Variants in ICA1L observed in about 807,000 individuals in gnomAD.
The protein encoded by ICA1L is islet cell autoantigen 1-like protein.
Under a neutral mutation model 61.3 loss-of-function variants are expected in ICA1L, and 50 were observed. The ratio of observed to expected loss-of-function variants is 0.82; its 90% CI spans 0.65 to 1.03. The LOEUF is 1.03. Ranked by LOEUF, ICA1L falls within the 50% of genes least tolerant of loss-of-function variation. The pLI, the probability that ICA1L is intolerant of heterozygous loss-of-function variation, is 0.00. For missense variants in ICA1L, 508 were observed against 556.7 expected, an observed-to-expected ratio of 0.91 and a Z score of 0.88; for synonymous variants, 161 against 191.3, an observed-to-expected ratio of 0.84 and a Z score of 1.31.
At chr2:202,811,817 A>T in intron 8 of ICA1L, 28 bp from the exon 9 acceptor site, 1 of 1,534,500 alleles carries the variant, frequency 6.5e-7, no homozygotes, top group Non-Finnish European at 9.0e-7. Flanking sequence ...AAAAATGTAG[A>T]TTTTTTGTTA....
At chr2:202,860,309 T>TAAA (rs1694877505) in intron 1 of ICA1L, 1 of 148,618 alleles carries the variant, frequency 6.7e-6, no homozygotes, top group East Asian at 1.9e-4. Context: ...ATAATAATAA[T>TAAA]AAATGGGAAA....
intron 8 of ICA1L, among the ~76,000 whole-genome samples, chr2:202,812,637 C>T (rs1206360526): frequency 6.6e-6 from 1 of 151,726 alleles, no homozygotes; most frequent in African/African-American, 2.4e-5. Flanking sequence ...CATGACCTCA[C>T]AGTTGCTAGT....
chr2:202,797,936 C>T (rs1383857176), intron 9 of ICA1L, among the ~76,000 whole-genome samples: 3 of 152,132 alleles, frequency 2.0e-5, no homozygotes, highest in African/African-American at 7.2e-5. Context: ...CTTTGGCCAT[C>T]CCCCCAGTTC....
In ICA1L at chr2:202,818,624, G is replaced by A. The variant is rs146806277; in HGVS notation, c.558+1077C>T. ...CATGGGGGCAGGTCTTTCCCATGCT[G>A]TTCTTGTGATAGTGAATAAGTCTCA... On this transcript the variant is annotated intron_variant, in intron 5 of 12. Coordinates refer to ENST00000358299, the MANE Select transcript of ICA1L (RefSeq NM_001288622.3). 5.9e-3 allele frequency among the ~76,000 whole-genome samples: 902 copies of A among 152,250 alleles called. 5 individuals are homozygous for A. The highest frequency in any genetic ancestry group is 9.3e-3 in the Non-Finnish European group (631 of 68,020).
chr2:202,823,509 G>C (rs934361871), intron 3 of ICA1L, among the ~76,000 whole-genome samples: 2 of 152,044 alleles, frequency 1.3e-5, no homozygotes, highest in African/African-American at 2.4e-5. Flanking sequence ...GGACTCACTT[G>C]GTCCAGTGAT....
chr2:202,813,838 A>G lies in ICA1L; in HGVS notation c.866+864T>C, dbSNP rs561875370. 3.3e-5 allele frequency among the ~76,000 whole-genome samples: 5 copies of G among 152,292 alleles called. No homozygotes were observed. The South Asian group carries it at 1.0e-3, about 32-fold the overall frequency. On this transcript the variant is annotated intron_variant, in intron 8 of 12. Transcript: ENST00000358299. ...CGGCAACAGCCCGTATTTTCAGGTA[A>G]CCAGTCCCAGTCCTATGTGTGTTAT...
intron 9 of ICA1L, among the ~76,000 whole-genome samples, chr2:202,801,936 G>GTTA (rs1693096633): frequency 6.6e-6 from 1 of 152,174 alleles, no homozygotes; most frequent in Non-Finnish European, 1.5e-5. Flanking sequence ...GAGTCCCACA[G>GTTA]ATTAAGAGCA....
chr2:202,807,593 C>T (rs1693260919), intron 9 of ICA1L, among the ~76,000 whole-genome samples: 1 of 152,112 alleles, frequency 6.6e-6, no homozygotes, highest in African/African-American at 2.4e-5. Flanking sequence ...GGCTTGGAGC[C>T]AGTGGAGTTA....
intron 1 of ICA1L, chr2:202,869,673 T>A (rs1218252904): frequency 6.6e-6 from 1 of 152,184 alleles, no homozygotes; most frequent in African/African-American, 2.4e-5. Flanking sequence ...GATATTGTGT[T>A]ACTTTAGTCT....
At chr2:202,840,039 T>C (rs1694279719) in intron 1 of ICA1L, among the ~76,000 whole-genome samples, 1 of 151,460 alleles carries the variant, frequency 6.6e-6, no homozygotes, top group East Asian at 1.9e-4. Context: ...TAATAAATTA[T>C]TGTAGCCATT....
rs1041930891 is a variant in ICA1L at position 202,774,259 on chromosome 2, A to T, written c.*5274T>A. On this transcript the variant is annotated 3_prime_UTR_variant, in exon 13 of 13. Coordinates refer to ENST00000358299, the MANE Select transcript of ICA1L (RefSeq NM_001288622.3). ...GAGTCTTCTCGCTCCTGTCGGCCAA[A>T]GGCCGTGACCCCGACGCGTGCAGGC... is the stretch of plus-strand genomic sequence containing the variant. The T allele has an allele frequency of 1.7e-5, 27 of 1,545,322 alleles. No homozygotes were observed. The highest frequency in any genetic ancestry group is 2.4e-5 in the South Asian group (2 of 83,756).
intron 1 of ICA1L, among the ~76,000 whole-genome samples, chr2:202,846,080 G>A (rs901433932): frequency 6.6e-6 from 1 of 152,042 alleles, no homozygotes; most frequent in Non-Finnish European, 1.5e-5. Context: ...TGTCGGCAAT[G>A]GTTTTCTCTG....
At chr2:202,863,720 G>A (rs754122883) in intron 1 of ICA1L, among the ~76,000 whole-genome samples, 7 of 151,518 alleles carry the variant, frequency 4.6e-5, no homozygotes, top group Admixed American at 1.3e-4. Flanking sequence ...CCAGCTATTC[G>A]GGAGGCTGAG....
At chr2:202,780,251 C>G (rs538254175) in intron 12 of ICA1L, among the ~76,000 whole-genome samples, 5 of 152,318 alleles carry the variant, frequency 3.3e-5, no homozygotes, top group Non-Finnish European at 5.9e-5. Flanking sequence ...AATCCTACCA[C>G]ATTAGCACAC....
intron 9 of ICA1L, among the ~76,000 whole-genome samples, chr2:202,804,097 A>G (rs1693163104): frequency 6.6e-6 from 1 of 152,190 alleles, no homozygotes; most frequent in South Asian, 2.1e-4. Context: ...ACAGGCACGT[A>G]GTACATTCTG....
intron 9 of ICA1L, 132 bp from the exon 10 acceptor site, chr2:202,797,096 TA>T: frequency 1.8e-6 from 1 of 547,680 alleles, no homozygotes; most frequent in Non-Finnish European, 3.2e-6. Flanking sequence ...AAGGGAAACA[TA>T]AAAATTTAAA....
intron 1 of ICA1L, among the ~76,000 whole-genome samples, chr2:202,863,416 T>C (rs1466805918): frequency 1.3e-5 from 2 of 151,714 alleles, no homozygotes; most frequent in Non-Finnish European, 2.9e-5. Flanking sequence ...AAATAGAGAA[T>C]GGACAAATAA....
At chr2:202,835,583 G>A (rs1054712396) in intron 1 of ICA1L, among the ~76,000 whole-genome samples, 1 of 148,122 alleles carries the variant, frequency 6.8e-6, no homozygotes, top group African/African-American at 2.5e-5. Flanking sequence ...GTCTTACTCT[G>A]TTACCCAGGC....
chr2:202,821,295 A>G, intron 4 of ICA1L, 63 bp downstream of exon 4: 1 of 1,536,872 alleles, frequency 6.5e-7, no homozygotes, highest in Non-Finnish European at 8.8e-7. Context: ...TGCAAATTTA[A>G]GTACACATGT....
Sources: allele counts gnomAD v4.1 joint callset (sites outside exome capture counted in the v4.1 genomes callset), GRCh38; gene constraint gnomAD v4.1.1; transcripts MANE v1.5; gene names NCBI Gene and HGNC (gene_info 2026-07-23, HGNC 2026-07-21).